HEATR5B: variants seen among roughly 807,000 people sequenced by gnomAD.
HEATR5B encodes HEAT repeat containing 5B.
A neutral mutation model predicts 224.1 loss-of-function variants in HEATR5B; 156 were observed. The ratio of observed to expected loss-of-function variants is 0.70; its 90% CI spans 0.61 to 0.80. The LOEUF is 0.80. Among genes scored for constraint, HEATR5B ranks in the 30% least tolerant of loss-of-function variants. The pLI, the probability that HEATR5B is intolerant of heterozygous loss-of-function variation, is 0.00. For synonymous variants in HEATR5B, 1,027 were observed against 893.0 expected (o/e 1.15, Z -2.68); for missense variants, 2,323 against 2,535.5 (o/e 0.92, Z 1.80).
chr2:36,981,148 A>AT lies in HEATR5B; in HGVS notation c.*341dup, dbSNP rs1665554776. The stretch of plus-strand genomic sequence containing the variant: ...CATGACAGATGCTGAGTTCTGACCC[A>AT]TTTTTTTCCCCTGACAGTATCAATA... On this transcript the variant is annotated 3_prime_UTR_variant, in exon 36 of 36. Coordinates refer to ENST00000233099, the MANE Select transcript of HEATR5B (RefSeq NM_019024.3). The AT allele has an allele frequency of 1.1e-5, 2 of 181,776 alleles. No individual in the cohort carries two copies. The highest frequency in any genetic ancestry group is 6.2e-5 in the Admixed American group (1 of 16,238). 11.3% of individuals were successfully genotyped at this position (181,776 alleles called of 1,614,324 possible).
Position 37,049,739 on chromosome 2 carries a change from A to G in HEATR5B, c.2610T>C (p.Cys870=), listed in dbSNP as rs748165457. 1.5e-5 allele frequency: 25 copies of G among 1,613,806 alleles called. No homozygotes were observed. In the East Asian group the frequency reaches 5.6e-4, roughly 36 times the overall value. ...TTCTTCCAAGAGCTTCCCCCGCTGC[A>G]CAACGTAAGATGGGGTTTGGGTTGT... ...PLDNPNPILR[C]AAGEALGRMA... Residue 870 remains cysteine, a synonymous_variant, in exon 18 of 36, where the codon TGT becomes TGC. Coordinates refer to ENST00000233099, the MANE Select transcript of HEATR5B (RefSeq NM_019024.3).
In HEATR5B at chr2:37,041,253, ATGAC is replaced by A; in HGVS notation, c.2732_2735del (p.Gly911ValfsTer15). 1 of 1,614,212 alleles carries A rather than the reference ATGAC, an allele frequency of 6.2e-7. No individual in the cohort carries two copies. The highest frequency in any genetic ancestry group is 8.5e-7 in the Non-Finnish European group (1 of 1,180,032). On this transcript the variant is annotated frameshift_variant, in exon 19 of 36. Coordinates refer to ENST00000233099, the MANE Select transcript of HEATR5B (RefSeq NM_019024.3). LOFTEE classifies it high-confidence loss of function. ...GATGCAAACAACCAAGAGCCAATGA[ATGAC>A]CAGTCCTAGATACAACATCTCGAGC... is the stretch of plus-strand genomic sequence containing the variant.
intron 33 of HEATR5B, among the ~76,000 whole-genome samples, chr2:36,996,449 G>C (rs1666719224): frequency 6.7e-6 from 1 of 148,900 alleles, no homozygotes; most frequent in Non-Finnish European, 1.5e-5. Flanking sequence ...TTTTGAAATG[G>C]AATCTCGCCC....
chr2:36,999,377 CAT>C (rs1415379959), intron 33 of HEATR5B, among the ~76,000 whole-genome samples: 1 of 151,938 alleles, frequency 6.6e-6, no homozygotes, highest in Non-Finnish European at 1.5e-5. Context: ...TATATTAACA[CAT>C]GTAAATTCTG....
chr2:37,060,389 T>C (rs139873127), intron 12 of HEATR5B, among the ~76,000 whole-genome samples, 192 bp downstream of exon 12: 1 of 152,194 alleles, frequency 6.6e-6, no homozygotes, highest in Non-Finnish European at 1.5e-5. Flanking sequence ...TTTCAGAGTC[T>C]GGGTTTCATT....
intron 34 of HEATR5B, among the ~76,000 whole-genome samples, 158 bp from the exon 35 acceptor site, chr2:36,989,017 G>A (rs926202243): frequency 6.6e-6 from 1 of 152,182 alleles, no homozygotes; most frequent in African/African-American, 2.4e-5. Context: ...ATAGAATTTT[G>A]TGACAAAAAT....
At chr2:36,999,436 G>C (rs1666942822) in intron 33 of HEATR5B, among the ~76,000 whole-genome samples, 2 of 152,102 alleles carry the variant, frequency 1.3e-5, no homozygotes, top group South Asian at 4.2e-4. Flanking sequence ...TCAGCAACCT[G>C]TGAGGCTGAG....
intron 19 of HEATR5B, 75 bp downstream of exon 19, chr2:37,041,058 T>G: frequency 8.0e-7 from 1 of 1,248,842 alleles, no homozygotes; most frequent in Non-Finnish European, 1.1e-6. Flanking sequence ...CCACGGTCAT[T>G]TTTATTTCAT....
Position 37,068,911 on chromosome 2 carries a change from G to T in HEATR5B, c.947C>A (p.Thr316Lys), listed in dbSNP as rs751063663. 1 of 1,613,530 alleles carries T rather than the reference G, an allele frequency of 6.2e-7. No homozygotes were observed. Among genetic ancestry groups the T allele is most frequent in the Non-Finnish European group, 8.5e-7 (1 of 1,179,580 alleles). Residue 316 changes from threonine (T) to lysine (K), a missense_variant, in exon 8 of 36, where the codon ACA becomes AAA. Thr to Lys is a moderately conservative substitution (Grantham distance 78). Transcript: ENST00000233099. Reference protein sequence around the residue: ...GVTQAYVVFVTTLGGQWLERS... With the variant: ...GVTQAYVVFVKTLGGQWLERS... The stretch of plus-strand genomic sequence containing the variant: ...CTCCAACCACTGACCACCCAATGTT[G>T]TCACAAAAACAACATACGCCTGTAA...
intron 18 of HEATR5B, among the ~76,000 whole-genome samples, chr2:37,046,198 A>C (rs1323617512): frequency 1.3e-5 from 2 of 152,244 alleles, no homozygotes; most frequent in African/African-American, 4.8e-5. Flanking sequence ...ACAGTCAATT[A>C]CTATTAGAAA....
At chr2:37,083,559 CTTT>C (rs1672759079) in intron 1 of HEATR5B, 123 bp from the exon 2 acceptor site, 1 of 681,296 alleles carries the variant, frequency 1.5e-6, no homozygotes. Flanking sequence ...AACTCAACTT[CTTT>C]GAGGCAAAAC....
chr2:36,994,345 A>C (rs531354089), intron 33 of HEATR5B, among the ~76,000 whole-genome samples: 1 of 152,362 alleles, frequency 6.6e-6, no homozygotes, highest in Admixed American at 6.5e-5. Flanking sequence ...AGAGTGATTC[A>C]TTAGATCCAA....
intron 18 of HEATR5B, among the ~76,000 whole-genome samples, chr2:37,043,704 T>C: frequency 6.6e-6 from 1 of 152,238 alleles, no homozygotes; most frequent in East Asian, 1.9e-4. Flanking sequence ...GGATTCTCAG[T>C]TTAGGGATGA....
intron 24 of HEATR5B, among the ~76,000 whole-genome samples, chr2:37,021,420 G>T (rs1668449090): frequency 6.6e-6 from 1 of 152,118 alleles, no homozygotes; most frequent in Admixed American, 6.6e-5. Flanking sequence ...CCCCCACTAA[G>T]AACCAGCCCT....
intron 16 of HEATR5B, chr2:37,055,169 C>A: frequency 9.0e-6 from 3 of 332,914 alleles, no homozygotes; most frequent in East Asian, 1.0e-4. Flanking sequence ...TTGCTTTTTA[C>A]CTTTTTAATT....
intron 24 of HEATR5B, among the ~76,000 whole-genome samples, chr2:37,023,140 A>G (rs1196875907): frequency 2.0e-5 from 3 of 152,198 alleles, no homozygotes; most frequent in Non-Finnish European, 4.4e-5. Flanking sequence ...CACAAAGGGG[A>G]ATTTAGAGAT....
intron 26 of HEATR5B, among the ~76,000 whole-genome samples, chr2:37,019,041 C>A (rs967280996): frequency 6.6e-6 from 1 of 151,878 alleles, no homozygotes; most frequent in Non-Finnish European, 1.5e-5. Context: ...GCACCTAATC[C>A]CAGCTACTCA....
chr2:36,995,935 G>C (rs540599713), intron 33 of HEATR5B, among the ~76,000 whole-genome samples: 2 of 152,260 alleles, frequency 1.3e-5, no homozygotes, highest in South Asian at 4.1e-4. Flanking sequence ...GCCCAGGCTG[G>C]AGTGCAGTGG....
intron 21 of HEATR5B, 73 bp downstream of exon 21, chr2:37,037,782 T>C: frequency 1.8e-6 from 2 of 1,092,974 alleles, no homozygotes; most frequent in East Asian, 2.9e-5. Context: ...CTAGTATGTA[T>C]CCATAAAAAA....
Sources: allele counts gnomAD v4.1 joint callset (sites outside exome capture counted in the v4.1 genomes callset), GRCh38; gene constraint gnomAD v4.1.1; transcripts MANE v1.5; gene names NCBI Gene and HGNC (gene_info 2026-07-23, HGNC 2026-07-21).